Variants in SORCS2 observed in about 807,000 individuals in gnomAD.
The protein encoded by SORCS2 is sortilin related VPS10 domain containing receptor 2, also known as VPS10 domain-containing receptor SorCS2.
Under a neutral mutation model 141.6 loss-of-function variants are expected in SORCS2, and 100 were observed. That is an observed-to-expected ratio of 0.71 (90% confidence interval 0.60 to 0.83). SORCS2 has a LOEUF of 0.83. Among genes scored for constraint, SORCS2 ranks in the 40% least tolerant of loss-of-function variants. The pLI is 0.00. For missense variants in SORCS2, 1,646 were observed against 1,560.2 expected, an observed-to-expected ratio of 1.05 and a Z score of -0.93; for synonymous variants, 789 against 676.9, an observed-to-expected ratio of 1.17 and a Z score of -2.57.
At chr4:7,332,334 C>T (rs746361188) in intron 1 of SORCS2, among the ~76,000 whole-genome samples, 10 of 152,208 alleles carry the variant, frequency 6.6e-5, no homozygotes, top group Non-Finnish European at 1.2e-4. Context: ...TCTGAGGCTG[C>T]TCTCCAAGAA....
intron 3 of SORCS2, among the ~76,000 whole-genome samples, chr4:7,611,458 G>A (rs889461108): frequency 3.3e-5 from 5 of 152,114 alleles, no homozygotes; most frequent in South Asian, 2.1e-4. Context: ...TGCCCAGCAC[G>A]GTGCCCAGCC....
intron 1 of SORCS2, among the ~76,000 whole-genome samples, chr4:7,227,726 C>T (rs1201701639): frequency 6.6e-6 from 1 of 152,324 alleles, no homozygotes; most frequent in East Asian, 1.9e-4. Flanking sequence ...CCTGTTTCTT[C>T]TCCCCAGTCC....
chr4:7,426,072 T>A (rs543118528), intron 2 of SORCS2, among the ~76,000 whole-genome samples: 1 of 152,304 alleles, frequency 6.6e-6, no homozygotes, highest in Admixed American at 6.5e-5. Context: ...GTTGTGGTTT[T>A]CATTCTCCAT....
At chr4:7,733,650 G>A (rs1711894946) in intron 24 of SORCS2, among the ~76,000 whole-genome samples, 1 of 152,170 alleles carries the variant, frequency 6.6e-6, no homozygotes, top group Admixed American at 6.5e-5. Context: ...TCGGGTCTCG[G>A]ATAATCTCTG....
chr4:7,262,335 T>TCC lies in SORCS2; in HGVS notation c.480+69209_480+69210insCC, dbSNP rs1560148401. 2.6e-3 allele frequency among the ~76,000 whole-genome samples: 381 copies of TCC among 144,886 alleles called. 2 individuals carry two copies. The highest frequency in any genetic ancestry group is 0.013 in the East Asian group (65 of 4,888). ...CCACCTATCCATCCATCCATCCATC[T>TCC]ATCCATCCATCCATCCATCCATCCA... On this transcript the variant is annotated intron_variant, in intron 1 of 26. Transcript: ENST00000507866.
chr4:7,463,963 C>G (rs147175096), intron 2 of SORCS2, among the ~76,000 whole-genome samples: 1 of 152,148 alleles, frequency 6.6e-6, no homozygotes, highest in Non-Finnish European at 1.5e-5. Context: ...GACGTTGGAT[C>G]GAGAATTGGC....
rs768975012 is a variant in SORCS2, at chr4:7,663,088, GAGTGAATGAGTA to G, written c.953-1254_953-1243del. The stretch of plus-strand genomic sequence containing the variant: ...AGAGTGGGTGAATGAGTGAGTGAGT[GAGTGAATGAGTA>G]AGTGAATGAGAGAATGAGTGAGTGG... On this transcript the variant is annotated intron_variant, in intron 6 of 26. Transcript: ENST00000507866. The surrounding 1 kb of genome is among the most constrained non-coding windows in gnomAD (Gnocchi z 4.8). Among the ~76,000 whole-genome samples, 1 of 152,092 alleles carries G rather than the reference GAGTGAATGAGTA, an allele frequency of 6.6e-6. No individual in the cohort carries two copies. The highest frequency in any genetic ancestry group is 2.4e-5 in the African/African-American group (1 of 41,398).
intron 10 of SORCS2, among the ~76,000 whole-genome samples, chr4:7,683,245 GA>G (rs1723647480): frequency 1.2e-5 from 1 of 83,888 alleles, no homozygotes; most frequent in African/African-American, 6.0e-5. Flanking sequence ...GGGATCAGCT[GA>G]GCGGCTCTGC....
At chr4:7,730,846 C>A (rs1019490701) in intron 23 of SORCS2, among the ~76,000 whole-genome samples, 1 of 152,204 alleles carries the variant, frequency 6.6e-6, no homozygotes, top group East Asian at 1.9e-4. Context: ...TACTACAATG[C>A]ATTAAATTGT....
At chr4:7,534,246 G>A (rs1319780027) in intron 3 of SORCS2, among the ~76,000 whole-genome samples, 1 of 152,184 alleles carries the variant, frequency 6.6e-6, no homozygotes, top group African/African-American at 2.4e-5. Flanking sequence ...GGTTTGCCTG[G>A]GTGCAGACAC....
chr4:7,682,276 G>A (rs1197852666), intron 9 of SORCS2, among the ~76,000 whole-genome samples: 2 of 152,152 alleles, frequency 1.3e-5, no homozygotes, highest in African/African-American at 2.4e-5. Context: ...TTTGTATGGG[G>A]ATTGAGCTGG....
intron 2 of SORCS2, among the ~76,000 whole-genome samples, chr4:7,524,876 T>C (rs559622883): frequency 6.6e-6 from 1 of 151,888 alleles, no homozygotes; most frequent in Non-Finnish European, 1.5e-5. Context: ...GCTTGGCGAG[T>C]GCACCGCAGA....
intron 3 of SORCS2, among the ~76,000 whole-genome samples, chr4:7,565,888 A>G (rs1714954453): frequency 7.2e-6 from 1 of 138,858 alleles, no homozygotes; most frequent in African/African-American, 2.5e-5. Flanking sequence ...GGAGATGATG[A>G]TGGTGGTGAT....
Position 7,653,678 on chromosome 4 carries a change from C to T in SORCS2, c.814-456C>T, listed in dbSNP as rs1274982746. 2.6e-5 allele frequency among the ~76,000 whole-genome samples: 4 copies of T among 152,198 alleles called. No individual in the cohort carries two copies. The South Asian group carries it at 6.2e-4, about 24-fold the overall frequency. ...TGAGGCTGGCCCTGGTGTCAGGCCCCAGCCCACCTGCGCCTGCACTGACCC... is the reference window on the plus strand; with the variant it reads ...TGAGGCTGGCCCTGGTGTCAGGCCCTAGCCCACCTGCGCCTGCACTGACCC... On this transcript the variant is annotated intron_variant, in intron 4 of 26. Transcript: ENST00000507866.
intron 9 of SORCS2, among the ~76,000 whole-genome samples, chr4:7,678,528 C>G (rs991428020): frequency 8.6e-5 from 12 of 139,072 alleles, no homozygotes; most frequent in African/African-American, 3.2e-4. Context: ...TTCCTGGAGA[C>G]ACAGCACAGG....
intron 23 of SORCS2, among the ~76,000 whole-genome samples, chr4:7,730,320 G>A (rs1435360020): frequency 2.6e-5 from 4 of 152,172 alleles, no homozygotes; most frequent in East Asian, 1.9e-4. Flanking sequence ...CACACTGCTG[G>A]TGGAAAGGGT....
chr4:7,656,549 C>A (rs150769168), intron 5 of SORCS2, among the ~76,000 whole-genome samples: 17 of 152,326 alleles, frequency 1.1e-4, no homozygotes, highest in Non-Finnish European at 2.1e-4. Context: ...TAGGCTCGGG[C>A]CCACATTCTA....
At chr4:7,610,476 T>C (rs113103833) in intron 3 of SORCS2, among the ~76,000 whole-genome samples, 122 of 152,198 alleles carry the variant, frequency 8.0e-4, no homozygotes, top group Non-Finnish European at 1.3e-3. Context: ...CCGGGTTCAT[T>C]GCATGGCACA....
At position 7,303,291 on chromosome 4, in the gene SORCS2, T is replaced by C. The variant is rs4689690; in HGVS notation, c.481-92997T>C. ...TAAGTAAAGGATGGCAACTTTTTAA[T>C]TGTGTCAGGAACTCAGCTTTCAAGG... On this transcript the variant is annotated intron_variant, in intron 1 of 26. Coordinates refer to ENST00000507866, the MANE Select transcript of SORCS2 (RefSeq NM_020777.3). 2.0e-3 allele frequency among the ~76,000 whole-genome samples: 298 copies of C among 152,328 alleles called. 6 individuals are homozygous for C. Among genetic ancestry groups the C allele is most frequent in the East Asian group, 0.017 (88 of 5,178 alleles).
Sources: gnomAD v4.1 joint callset for allele counts (sites outside exome capture counted in the v4.1 genomes callset) on GRCh38, gnomAD v4.1.1 for gene constraint, Gnocchi (gnomAD v3.1) non-coding constraint, MANE v1.5 for transcripts, NCBI Gene and HGNC (gene_info 2026-07-23, HGNC 2026-07-21) for gene names.